Variants in LRIG3 observed in about 807,000 individuals in gnomAD.
The protein encoded by LRIG3 is leucine-rich repeats and immunoglobulin-like domains protein 3.
LRIG3 carries 76 observed loss-of-function variants against 114.5 expected under a neutral mutation model. The observed-to-expected ratio is 0.66, with a 90% CI of 0.55 to 0.80. The LOEUF (loss-of-function observed/expected upper bound fraction) is 0.80, where lower values mean the gene tolerates loss of function less well. Among genes scored for constraint, LRIG3 ranks in the 30% least tolerant of loss-of-function variants. The probability of loss-of-function intolerance (pLI) is 0.00; values close to 1 mark genes in which losing one functional copy is unlikely to be tolerated. For missense variants in LRIG3, 1,239 were observed against 1,382.8 expected, an observed-to-expected ratio of 0.90 and a Z score of 1.65; for synonymous variants, 512 against 519.8, an observed-to-expected ratio of 0.98 and a Z score of 0.20.
intron 3 of LRIG3, among the ~76,000 whole-genome samples, chr12:58,911,046 T>G (rs1872256428): frequency 6.6e-6 from 1 of 152,212 alleles, no homozygotes; most frequent in Non-Finnish European, 1.5e-5. Flanking sequence ...AGAGAAAAAT[T>G]TAAAAAACAT....
At chr12:58,876,207 A>C (rs1413086757) in intron 16 of LRIG3, among the ~76,000 whole-genome samples, 1 of 152,234 alleles carries the variant, frequency 6.6e-6, no homozygotes. Context: ...TTACACATGG[A>C]ATAATTACAT....
chr12:58,903,847 C>T (rs1481211831), intron 3 of LRIG3, among the ~76,000 whole-genome samples: 1 of 151,944 alleles, frequency 6.6e-6, no homozygotes, highest in South Asian at 2.1e-4. Context: ...GCTTGTTTTT[C>T]TCAGGTTTGT....
chr12:58,874,484 T>A lies in LRIG3; in HGVS notation c.2785A>T (p.Met929Leu), dbSNP rs758620273. 8 of 1,614,068 alleles carry A rather than the reference T, an allele frequency of 5.0e-6. No individual in the cohort carries two copies. Among genetic ancestry groups the A allele is most frequent in the Non-Finnish European group, 5.9e-6 (7 of 1,180,034 alleles). Reference sequence around the variant, plus strand: ...CCATACACATTTCCCTTCAAATACATAGGGCCTGTGGATCCCAAAAACGGA... The same window carrying A: ...CCATACACATTTCCCTTCAAATACAAAGGGCCTGTGGATCCCAAAAACGGA... ...LCPFLGSTGP[M>L]YLKGNVYGSD... The change falls in exon 17 of 19, where the codon ATG (methionine) becomes TTG (leucine). Residue 929 changes from methionine to leucine, a missense_variant. By Grantham distance (15) the Met-to-Leu change is conservative. Coordinates refer to ENST00000320743, the MANE Select transcript of LRIG3 (RefSeq NM_153377.5).
chr12:58,903,893 T>A (rs529865555), intron 3 of LRIG3, among the ~76,000 whole-genome samples: 2,134 of 152,060 alleles, frequency 0.014, 52 homozygotes, highest in African/African-American at 0.047. Flanking sequence ...CGGCGTTATT[T>A]CTGAGGGCTC....
In LRIG3 at chr12:58,874,252, C is replaced by T. The variant is rs747102590; in HGVS notation, c.2918G>A (p.Cys973Tyr). 1 of 1,614,158 alleles carries T rather than the reference C, an allele frequency of 6.2e-7. No homozygotes were observed. The highest frequency in any genetic ancestry group is 2.2e-5 in the East Asian group (1 of 44,874). Residue 973 changes from cysteine (C) to tyrosine (Y), a missense_variant, in exon 18 of 19, where the codon TGT becomes TAT. Physicochemically the swap from Cys to Tyr is radical, Grantham distance 194. Transcript: ENST00000320743. ...GCAGGATTCTTCTGAAGGATGAGAA[C>T]ATGGGTAGCACTCCTTTTTCTTTAT... is the stretch of plus-strand genomic sequence containing the variant. ...SYIKKKECYP[C>Y]SHPSEESCER...
chr12:58,883,099 C>A, intron 11 of LRIG3, 67 bp from the exon 12 acceptor site: 1 of 1,464,156 alleles, frequency 6.8e-7, no homozygotes, highest in South Asian at 1.3e-5. Context: ...AAACTAAACC[C>A]AAGTAAATAT....
chr12:58,888,226 G>T, intron 7 of LRIG3, 103 bp downstream of exon 7: 1 of 1,386,028 alleles, frequency 7.2e-7, no homozygotes, highest in Non-Finnish European at 9.7e-7. Flanking sequence ...CTGTCACCTT[G>T]GAAACTTTGT....
intron 13 of LRIG3, chr12:58,880,357 T>C (rs1871082991): frequency 1.5e-6 from 1 of 685,682 alleles, no homozygotes; most frequent in Non-Finnish European, 2.6e-6. Context: ...GGTTCATCTC[T>C]GTGTTACTCA....
At chr12:58,893,649 G>A (rs1053865470) in intron 3 of LRIG3, among the ~76,000 whole-genome samples, 5 of 152,166 alleles carry the variant, frequency 3.3e-5, no homozygotes, top group African/African-American at 9.7e-5. Context: ...CAGGAGACAC[G>A]CCACAAGGCC....
At position 58,887,844 on chromosome 12, in the gene LRIG3, T is replaced by C. The variant is rs1379348091; in HGVS notation, c.1036A>G (p.Arg346Gly). ...LLNTLHIGNN[R>G]VSYIADCAFR... ...GCACAATCAGCAATGTAGCTGACTCTGTTGTTCCCAATGTGCAGTGTATTT... is the reference window on the plus strand; with the variant it reads ...GCACAATCAGCAATGTAGCTGACTCCGTTGTTCCCAATGTGCAGTGTATTT... The change falls in exon 8 of 19, where the codon AGA becomes GGA. Residue 346 changes from arginine to glycine, a missense_variant. Arg to Gly is a moderately radical substitution (Grantham distance 125). Coordinates refer to ENST00000320743, the MANE Select transcript of LRIG3 (RefSeq NM_153377.5). The C allele has an allele frequency of 2.5e-6, 4 of 1,613,822 alleles. No individual in the cohort carries two copies. The African/African-American group carries it at 5.3e-5, about 22-fold the overall frequency.
At chr12:58,894,275 T>C (rs1248827079) in intron 3 of LRIG3, among the ~76,000 whole-genome samples, 1 of 152,098 alleles carries the variant, frequency 6.6e-6, no homozygotes, top group East Asian at 1.9e-4. Flanking sequence ...AGCACAAAAA[T>C]CCCTTACAAC....
chr12:58,910,468 C>CGTG (rs1565623778), intron 3 of LRIG3, among the ~76,000 whole-genome samples: 1 of 152,068 alleles, frequency 6.6e-6, no homozygotes, highest in African/African-American at 2.4e-5. Flanking sequence ...ATTAACTGGG[C>CGTG]GTGGCAGCAT....
rs1052116865 is a variant in LRIG3 at position 58,914,132 on chromosome 12, A to G, written c.309-76T>C. The G allele has an allele frequency of 4.6e-6, 7 of 1,537,824 alleles. No individual in the cohort carries two copies. The African/African-American group carries it at 8.3e-5, about 18-fold the overall frequency. On this transcript the variant is annotated intron_variant, in intron 2 of 18. Transcript: ENST00000320743. Reference sequence around the variant, plus strand: ...TAATTCACAGAGGTGAAAACTTTACATATTATTTCAAGATACCACCCAAGT... The same window carrying G: ...TAATTCACAGAGGTGAAAACTTTACGTATTATTTCAAGATACCACCCAAGT...
At chr12:58,908,526 G>T (rs749724799) in intron 3 of LRIG3, among the ~76,000 whole-genome samples, 1 of 152,184 alleles carries the variant, frequency 6.6e-6, no homozygotes, top group African/African-American at 2.4e-5. Flanking sequence ...ACATACTCCA[G>T]GGCATACACT....
intron 1 of LRIG3, chr12:58,919,317 G>C: frequency 6.8e-7 from 1 of 1,462,238 alleles, no homozygotes; most frequent in South Asian, 1.3e-5. Context: ...AACCGTCTGG[G>C]CGTTCTGAGG....
At chr12:58,887,674 C>T (rs1256199846) in intron 8 of LRIG3, 115 bp downstream of exon 8, 14 of 1,066,310 alleles carry the variant, frequency 1.3e-5, no homozygotes, top group African/African-American at 1.6e-5. Context: ...GATTAAGATA[C>T]TACTTCTGAG....
Position 58,920,060 on chromosome 12 carries a change from T to G in LRIG3, c.176A>C (p.Asp59Ala). ...TTCRCLGDLL[D>A]CSRKRLARLP... ...ACGCGCTAGCCGCTTACGACTGCAGTCCAGCAGGTCCCCGAGGCAGCGGCA... is the reference window on the plus strand; with the variant it reads ...ACGCGCTAGCCGCTTACGACTGCAGGCCAGCAGGTCCCCGAGGCAGCGGCA... The change falls in exon 1 of 19, where the codon GAC becomes GCC. Residue 59 changes from aspartate (D) to alanine (A), a missense_variant. Physicochemically the swap from Asp to Ala is moderately radical, Grantham distance 126 (BLOSUM62 -2). Coordinates refer to ENST00000320743, the MANE Select transcript of LRIG3 (RefSeq NM_153377.5). 1 of 1,555,772 alleles carries G rather than the reference T, an allele frequency of 6.4e-7. No individual in the cohort carries two copies. Among genetic ancestry groups the G allele is most frequent in the Non-Finnish European group, 8.7e-7 (1 of 1,150,008 alleles).
At chr12:58,913,010 G>C (rs564629184) in intron 3 of LRIG3, among the ~76,000 whole-genome samples, 20 of 152,114 alleles carry the variant, frequency 1.3e-4, no homozygotes, top group Non-Finnish European at 1.5e-5. Context: ...CAGACACAGC[G>C]GCTGCACCCG....
In LRIG3 at chr12:58,872,637, T is replaced by C; in HGVS notation, c.3295A>G (p.Thr1099Ala). 1 of 1,614,110 alleles carries C rather than the reference T, an allele frequency of 6.2e-7. No individual in the cohort carries two copies. The highest frequency in any genetic ancestry group is 8.5e-7 in the Non-Finnish European group (1 of 1,179,980). ...TDFQEENHICTFKQTLENYRT... is the reference protein window; with the variant it reads ...TDFQEENHICAFKQTLENYRT... ...TAGTTTTCTAAAGTCTGTTTAAAGG[T>C]ACAAATGTGATTTTCTTCCTGAAAA... The change falls in exon 19 of 19, where the codon ACC becomes GCC. Residue 1099 changes from threonine to alanine, a missense_variant. Physicochemically the swap from Thr to Ala is moderately conservative, Grantham distance 58. Coordinates refer to ENST00000320743, the MANE Select transcript of LRIG3 (RefSeq NM_153377.5).
Sources: gnomAD v4.1 joint callset for allele counts (sites outside exome capture counted in the v4.1 genomes callset) on GRCh38, gnomAD v4.1.1 for gene constraint, MANE v1.5 for transcripts, NCBI Gene and HGNC (gene_info 2026-07-23, HGNC 2026-07-21) for gene names.